MEI1: variants seen among roughly 807,000 people sequenced by gnomAD.
MEI1 encodes meiotic double-stranded break formation protein 1, also known as meiosis inhibitor protein 1.
In MEI1, 103 loss-of-function variants were observed where a neutral mutation model predicts 146.2. The observed-to-expected ratio is 0.70, with a 90% CI of 0.60 to 0.83. The LOEUF is 0.83. Ranked by LOEUF, MEI1 falls within the 40% of genes least tolerant of loss-of-function variation. The probability of loss-of-function intolerance (pLI) is 0.00; values close to 1 mark genes in which losing one functional copy is unlikely to be tolerated. For synonymous variants in MEI1, 652 were observed against 628.2 expected, an observed-to-expected ratio of 1.04 and a Z score of -0.57; for missense variants, 1,529 against 1,533.0, an observed-to-expected ratio of 1.00 and a Z score of 0.04.
At chr22:41,752,502 C>A in intron 15 of MEI1, 89 bp from the exon 16 acceptor site, 1 of 1,202,040 alleles carries the variant, frequency 8.3e-7, no homozygotes, top group Non-Finnish European at 1.2e-6. Context: ...AACTCTGAAA[C>A]CAGAGCTTTT....
At chr22:41,794,224 G>A in intron 27 of MEI1, 147 bp from the exon 28 acceptor site, 2 of 706,284 alleles carry the variant, frequency 2.8e-6, no homozygotes, top group Non-Finnish European at 4.9e-6. Context: ...TAGAAGCCCA[G>A]GGAAGAAAGA....
chr22:41,730,114 A>G (rs931440240), intron 8 of MEI1, among the ~76,000 whole-genome samples: 5 of 152,196 alleles, frequency 3.3e-5, no homozygotes, highest in East Asian at 1.9e-4. Flanking sequence ...TATTTTATAG[A>G]TAAGGAAATT....
At chr22:41,701,672 C>G (rs2068732459) in intron 1 of MEI1, among the ~76,000 whole-genome samples, 1 of 152,046 alleles carries the variant, frequency 6.6e-6, no homozygotes, top group African/African-American at 2.4e-5. Flanking sequence ...TAAGACAGTG[C>G]AGCGGGGAGA....
intron 17 of MEI1, among the ~76,000 whole-genome samples, chr22:41,755,533 C>G (rs2074036828): frequency 6.6e-6 from 1 of 152,214 alleles, no homozygotes; most frequent in Non-Finnish European, 1.5e-5. Context: ...AGACTATTGG[C>G]AGTCACATCA....
intron 11 of MEI1, among the ~76,000 whole-genome samples, chr22:41,736,219 CTT>C (rs2072349084): frequency 6.6e-6 from 1 of 151,128 alleles, no homozygotes; most frequent in Non-Finnish European, 1.5e-5. Flanking sequence ...TGCCTTTTCT[CTT>C]TCTTTTCTTA....
rs570330862 is a variant in MEI1 at position 41,727,008 on chromosome 22, C to T, written c.865-2657C>T. ...CAGCATGGTCTCGATCTCCTGACCT[C>T]GTGATCCACCCGCCTCAGCCTCCCT... On this transcript the variant is annotated intron_variant, in intron 7 of 30. Transcript: ENST00000401548. 4.6e-5 allele frequency among the ~76,000 whole-genome samples: 7 copies of T among 151,978 alleles called. No individual in the cohort carries two copies. In the South Asian group the frequency reaches 1.0e-3, roughly 23 times the overall value.
intron 30 of MEI1, among the ~76,000 whole-genome samples, chr22:41,798,116 AACACACACACACACAC>A (rs60766866): frequency 0.2 from 26,670 of 135,766 alleles, 2,750 homozygotes; most frequent in Middle Eastern, 0.26. Context: ...TCCTCAGCCC[AACACACACACACACAC>A]ACACACACAC....
intron 11 of MEI1, among the ~76,000 whole-genome samples, chr22:41,737,873 A>T (rs2072518801): frequency 6.6e-6 from 1 of 152,060 alleles, no homozygotes; most frequent in South Asian, 2.1e-4. Flanking sequence ...CTAGCACCAC[A>T]ATGGGAAATT....
chr22:41,794,477 G>A lies in MEI1; in HGVS notation c.3534G>A (p.Leu1178=). Residue 1178 remains leucine (L), a splice_region_variant and synonymous_variant, in exon 28 of 31, where the codon CTG becomes CTA. Transcript: ENST00000401548. ...CTGAGATTTTGAGGCTCATGACCCT[G>A]GTAAGTGCAGAAAGGATATCTTGTG... The part of the protein sequence containing the change: ...LRPEILRLMT[L]FMRYRSSSVL... The A allele has an allele frequency of 6.2e-7, 1 of 1,611,662 alleles. No individual in the cohort carries two copies. The highest frequency in any genetic ancestry group is 8.5e-7 in the Non-Finnish European group (1 of 1,177,812).
chr22:41,748,451 A>G (rs1440473228), intron 15 of MEI1, among the ~76,000 whole-genome samples: 5 of 152,178 alleles, frequency 3.3e-5, no homozygotes, highest in African/African-American at 9.7e-5. Context: ...TGGGAGACCA[A>G]GATGGGAGGA....
chr22:41,747,060 T>TAATAAC (rs1367696593), intron 14 of MEI1, among the ~76,000 whole-genome samples: 1 of 151,322 alleles, frequency 6.6e-6, no homozygotes, highest in Non-Finnish European at 1.5e-5. Flanking sequence ...ATAATAATAA[T>TAATAAC]AATAATAAAA....
At position 41,716,100 on chromosome 22, in the gene MEI1, G is replaced by C; in HGVS notation, c.483G>C (p.Leu161Phe). The change falls in exon 5 of 31, where the codon TTG (leucine) becomes TTC (phenylalanine). Residue 161 changes from leucine (L) to phenylalanine (F), a missense_variant. Around this residue, in one of 3 missense-constraint regions of MEI1, gnomAD observed 1,212 missense variants for 1,178.9 expected, o/e 1.03. Transcript: ENST00000401548. ...CCACCCTGACCCTTCTTGGCAAGTT[G>C]GTGGATGCCATCCCTGCTCTGGCAG... Reference protein sequence around the residue: ...SLATLTLLGKLVDAIPALADE... With the variant: ...SLATLTLLGKFVDAIPALADE... The C allele has an allele frequency of 6.2e-7, 1 of 1,611,938 alleles. No individual in the cohort carries two copies. The highest frequency in any genetic ancestry group is 8.5e-7 in the Non-Finnish European group (1 of 1,179,092).
intron 7 of MEI1, among the ~76,000 whole-genome samples, chr22:41,727,213 C>A (rs906921688): frequency 3.9e-5 from 6 of 152,196 alleles, no homozygotes; most frequent in Admixed American, 6.6e-5. Context: ...CTCATGTCTA[C>A]TTGGTCCTTT....
At position 41,711,364 on chromosome 22, in the gene MEI1, G is replaced by A. The variant is rs1387386690; in HGVS notation, c.350-2638G>A. On this transcript the variant is annotated intron_variant, in intron 3 of 30. Coordinates refer to ENST00000401548, the MANE Select transcript of MEI1 (RefSeq NM_152513.4). The stretch of plus-strand genomic sequence containing the variant: ...ATTTTTTTGTATTTTTAGTAGAGAC[G>A]ATTTCACCGTGTTAGCCAGGATGGT... Among the ~76,000 whole-genome samples the A allele has an allele frequency of 7.2e-5, 11 of 152,228 alleles. No homozygotes were observed. In the South Asian group the frequency reaches 1.5e-3, roughly 20 times the overall value.
intron 17 of MEI1, 69 bp downstream of exon 17, chr22:41,754,115 T>A: frequency 8.7e-7 from 1 of 1,152,616 alleles, no homozygotes; most frequent in Non-Finnish European, 1.3e-6. Context: ...CCTTGCTGAT[T>A]GACTAGATAG....
At chr22:41,762,241 T>G (rs957729982) in intron 18 of MEI1, among the ~76,000 whole-genome samples, 9 of 152,032 alleles carry the variant, frequency 5.9e-5, no homozygotes, top group Admixed American at 2.6e-4. Context: ...CTTTCTTTTC[T>G]TTCTTTCTTC....
chr22:41,733,736 AAAAAC>A (rs564868709), intron 11 of MEI1, among the ~76,000 whole-genome samples: 184 of 152,288 alleles, frequency 1.2e-3, no homozygotes, highest in African/African-American at 4.1e-3. Context: ...GCTCTGTCTC[AAAAAC>A]AAAACAAAAC....
chr22:41,781,937 A>G (rs1569317466), intron 24 of MEI1, 92 bp downstream of exon 24: 2 of 1,439,476 alleles, frequency 1.4e-6, no homozygotes, highest in Non-Finnish European at 9.5e-7. Flanking sequence ...CTGGGGGCTT[A>G]TTAGCTGTGT....
chr22:41,791,661 A>G (rs1602183123), intron 26 of MEI1, among the ~76,000 whole-genome samples: 1 of 152,254 alleles, frequency 6.6e-6, no homozygotes, highest in Non-Finnish European at 1.5e-5. Flanking sequence ...AAGTGTTGAC[A>G]GGAGGTGGAG....
Sources: allele counts gnomAD v4.1 joint callset (sites outside exome capture counted in the v4.1 genomes callset), GRCh38; gene constraint gnomAD v4.1.1; regional missense constraint gnomAD v4.1.1; transcripts MANE v1.5; gene names NCBI Gene and HGNC (gene_info 2026-07-23, HGNC 2026-07-21).